The following DSCAML1 variants were observed in gnomAD, a reference collection of about 807,000 sequenced individuals.
The protein encoded by DSCAML1 is cell adhesion molecule DSCAML1.
Under a neutral mutation model 200.5 loss-of-function variants are expected in DSCAML1, and 38 were observed. The observed-to-expected ratio is 0.19, with a 90% CI of 0.15 to 0.25. The LOEUF (loss-of-function observed/expected upper bound fraction) is 0.25, where lower values mean the gene tolerates loss of function less well. Among genes scored for constraint, DSCAML1 ranks in the 10% least tolerant of loss-of-function variants. The pLI, the probability that DSCAML1 is intolerant of heterozygous loss-of-function variation, is 1.00. For synonymous variants in DSCAML1, 1,215 were observed against 1,165.0 expected (o/e 1.04, Z -0.87); for missense variants, 2,223 against 2,858.8 (o/e 0.78, Z 5.07).
At chr11:117,624,544 T>G (rs1305173426) in intron 3 of DSCAML1, among the ~76,000 whole-genome samples, 1 of 152,088 alleles carries the variant, frequency 6.6e-6, no homozygotes, top group Non-Finnish European at 1.5e-5. Flanking sequence ...TTTTATGGCT[T>G]GAGTATGGGT....
chr11:117,551,594 G>T (rs898796189), intron 3 of DSCAML1, among the ~76,000 whole-genome samples: 1 of 152,174 alleles, frequency 6.6e-6, no homozygotes, highest in African/African-American at 2.4e-5. Flanking sequence ...GCATGCATTT[G>T]TCATCCTTCT....
chr11:117,708,897 C>T (rs1376788634), intron 3 of DSCAML1, among the ~76,000 whole-genome samples: 1 of 152,208 alleles, frequency 6.6e-6, no homozygotes, highest in East Asian at 1.9e-4. Flanking sequence ...ATTAAATCAT[C>T]TCAAGTTCAT....
chr11:117,714,826 G>GGAAA (rs10684152), intron 3 of DSCAML1, among the ~76,000 whole-genome samples: 7,597 of 115,510 alleles, frequency 0.066, 720 homozygotes, highest in African/African-American at 0.093. Flanking sequence ...TCATCTTGAG[G>GGAAA]AAAAAAAAAA....
At chr11:117,635,447 G>GGTGTGTGTGT (rs201976004) in intron 3 of DSCAML1, among the ~76,000 whole-genome samples, 119 of 146,652 alleles carry the variant, frequency 8.1e-4, no homozygotes, top group Middle Eastern at 3.3e-3. Flanking sequence ...TAGTGTGTGT[G>GGTGTGTGTGT]GTGTGTGTGT....
At chr11:117,815,018 T>C (rs1246243079) in intron 1 of DSCAML1, among the ~76,000 whole-genome samples, 1 of 152,208 alleles carries the variant, frequency 6.6e-6, no homozygotes, top group Non-Finnish European at 1.5e-5. Flanking sequence ...CACAAGAGAA[T>C]TCAGCATGCT....
At chr11:117,696,688 G>C (rs2053592521) in intron 3 of DSCAML1, among the ~76,000 whole-genome samples, 1 of 152,056 alleles carries the variant, frequency 6.6e-6, no homozygotes, top group South Asian at 2.1e-4. Flanking sequence ...TGCTTAGCAG[G>C]GTGCCTGATA....
intron 3 of DSCAML1, among the ~76,000 whole-genome samples, chr11:117,641,462 G>A (rs972039344): frequency 1.3e-5 from 2 of 152,112 alleles, no homozygotes; most frequent in African/African-American, 2.4e-5. Context: ...CAGCCCCACC[G>A]AACAGATGCG....
chr11:117,590,836 A>G (rs1266174350), intron 3 of DSCAML1, among the ~76,000 whole-genome samples: 1 of 152,188 alleles, frequency 6.6e-6, no homozygotes, highest in East Asian at 1.9e-4. Flanking sequence ...AGTATTGTCA[A>G]TTTTGTAAGC....
intron 1 of DSCAML1, among the ~76,000 whole-genome samples, chr11:117,795,996 C>A (rs115865940): frequency 2.0e-5 from 3 of 152,058 alleles, no homozygotes; most frequent in African/African-American, 7.2e-5. Context: ...TGTGCTCCAC[C>A]ACGCAAGGGC....
At position 117,614,181 on chromosome 11, in the gene DSCAML1, TG is replaced by T. The variant is rs549102997; in HGVS notation, c.512-81660del. On this transcript the variant is annotated intron_variant, in intron 3 of 32. Coordinates refer to ENST00000651296, the MANE Select transcript of DSCAML1 (RefSeq NM_020693.4). ...AGTGCAGGCTCTCAGTTTACAGTTC[TG>T]CACTCACGCCTGTCTTCCCCATCAA... Among the ~76,000 whole-genome samples the T allele has an allele frequency of 2.6e-5, 4 of 152,310 alleles. No individual in the cohort carries two copies. The East Asian group carries it at 7.7e-4, about 29-fold the overall frequency.
chr11:117,678,106 G>C (rs1162105336), intron 3 of DSCAML1, among the ~76,000 whole-genome samples: 2 of 152,244 alleles, frequency 1.3e-5, no homozygotes, highest in African/African-American at 4.8e-5. Flanking sequence ...CCATGAGAGA[G>C]AGGGCGGCTG....
intron 3 of DSCAML1, among the ~76,000 whole-genome samples, chr11:117,543,171 G>C (rs1227852937): frequency 6.6e-6 from 1 of 152,216 alleles, no homozygotes; most frequent in Non-Finnish European, 1.5e-5. Context: ...AGAGGTTAGG[G>C]GGACTCAGAA....
chr11:117,453,746 C>CTTTCTTTTTTTTTTTT (rs748920908), intron 19 of DSCAML1, among the ~76,000 whole-genome samples: 5 of 138,182 alleles, frequency 3.6e-5, no homozygotes, highest in African/African-American at 1.4e-4. Context: ...TTCTTTCTTT[C>CTTTCTTTTTTTTTTTT]TTTTTTTTTT....
intron 3 of DSCAML1, among the ~76,000 whole-genome samples, chr11:117,619,328 G>A (rs1451153070): frequency 1.3e-5 from 2 of 152,166 alleles, no homozygotes; most frequent in African/African-American, 2.4e-5. Flanking sequence ...GGCACCCGAT[G>A]GGCACCCAAG....
chr11:117,585,709 G>C (rs1034531585), intron 3 of DSCAML1, among the ~76,000 whole-genome samples: 32 of 152,188 alleles, frequency 2.1e-4, no homozygotes, highest in African/African-American at 7.5e-4. Context: ...CTGCAATGCA[G>C]GATGTAGCTG....
intron 3 of DSCAML1, among the ~76,000 whole-genome samples, chr11:117,711,721 T>G (rs1415133562): frequency 3.3e-5 from 5 of 152,222 alleles, no homozygotes; most frequent in African/African-American, 7.2e-5. Flanking sequence ...CCTGACCACC[T>G]TAATCACTGC....
At chr11:117,451,395 C>T (rs982227229) in intron 19 of DSCAML1, among the ~76,000 whole-genome samples, 1 of 152,212 alleles carries the variant, frequency 6.6e-6, no homozygotes, top group African/African-American at 2.4e-5. Context: ...TGTTTCCTTT[C>T]TAGAAACTTT....
At chr11:117,615,531 C>T (rs1230221678) in intron 3 of DSCAML1, among the ~76,000 whole-genome samples, 2 of 151,984 alleles carry the variant, frequency 1.3e-5, no homozygotes, top group South Asian at 2.1e-4. Context: ...AGCCTCTTAG[C>T]CTGTTGGTCT....
At chr11:117,771,046 C>T (rs2055029413) in intron 3 of DSCAML1, among the ~76,000 whole-genome samples, 1 of 152,124 alleles carries the variant, frequency 6.6e-6, no homozygotes, top group South Asian at 2.1e-4. Flanking sequence ...ATGACACAGT[C>T]TCCAGGGCAC....
Sources: allele counts gnomAD v4.1 joint callset (sites outside exome capture counted in the v4.1 genomes callset), GRCh38; gene constraint gnomAD v4.1.1; transcripts MANE v1.5; gene names NCBI Gene and HGNC (gene_info 2026-07-23, HGNC 2026-07-21).